The following CA10 variants were observed in gnomAD, a reference collection of about 807,000 sequenced individuals.
CA10 encodes the protein carbonic anhydrase 10 (inactive), also known as carbonic anhydrase-related protein 10.
Under a neutral mutation model 44.2 loss-of-function variants are expected in CA10, and 14 were observed. The ratio of observed to expected loss-of-function variants is 0.32; its 90% CI spans 0.21 to 0.50. The LOEUF is 0.50. CA10 is among the 20% of genes least tolerant of loss of function. CA10 has a pLI of 0.99. For missense variants in CA10, 350 were observed against 409.7 expected, an observed-to-expected ratio of 0.85 and a Z score of 1.26; for synonymous variants, 159 against 141.6, an observed-to-expected ratio of 1.12 and a Z score of -0.87.
At position 51,831,958 on chromosome 17, in the gene CA10, C is replaced by T. The variant is rs1908297462; in HGVS notation, c.280-84140G>A. 2.0e-5 allele frequency among the ~76,000 whole-genome samples: 3 copies of T among 152,302 alleles called. No individual in the cohort carries two copies. The South Asian group carries it at 6.2e-4, about 32-fold the overall frequency. On this transcript the variant is annotated intron_variant, in intron 3 of 8. Transcript: ENST00000451037. ...ATGCCTACCAAAATCCCACTCCAAG[C>T]TTGCTCCCTCGTTGACAAGATCTGG...
intron 2 of CA10, among the ~76,000 whole-genome samples, chr17:52,019,170 T>G (rs1986060717): frequency 6.6e-6 from 1 of 152,080 alleles, no homozygotes; most frequent in Non-Finnish European, 1.5e-5. Flanking sequence ...AGGTGTTCCT[T>G]TATAGCAGCA....
intron 2 of CA10, among the ~76,000 whole-genome samples, chr17:51,998,388 T>G (rs1423728987): frequency 6.6e-6 from 1 of 152,056 alleles, no homozygotes; most frequent in Non-Finnish European, 1.5e-5. Context: ...CCTCCTGCAG[T>G]TCTTCATGGA....
chr17:51,956,797 A>C (rs1983681753), intron 2 of CA10, among the ~76,000 whole-genome samples: 1 of 152,054 alleles, frequency 6.6e-6, no homozygotes, highest in Non-Finnish European at 1.5e-5. Flanking sequence ...ACCTACAAAA[A>C]AGCAGAGGCT....
chr17:51,672,016 T>C (rs996121795), intron 4 of CA10, among the ~76,000 whole-genome samples: 1 of 152,214 alleles, frequency 6.6e-6, no homozygotes, highest in African/African-American at 2.4e-5. Flanking sequence ...ACTTAGGGCA[T>C]TGAGTTAACC....
At chr17:51,759,123 C>G (rs910183265) in intron 3 of CA10, among the ~76,000 whole-genome samples, 3 of 152,156 alleles carry the variant, frequency 2.0e-5, no homozygotes, top group African/African-American at 7.2e-5. Flanking sequence ...GAGTTCTTGT[C>G]AAGCCCCTCA....
At chr17:51,873,789 G>T (rs551070271) in intron 3 of CA10, among the ~76,000 whole-genome samples, 1 of 152,262 alleles carries the variant, frequency 6.6e-6, no homozygotes, top group African/African-American at 2.4e-5. Context: ...GAGTCACTCT[G>T]AGTGTCCAGC....
At chr17:52,159,011 C>T (rs1989884993), upstream of CA10, among the ~76,000 whole-genome samples, 1 of 152,190 alleles carries the variant, frequency 6.6e-6, no homozygotes, top group Non-Finnish European at 1.5e-5. Flanking sequence ...CTGGCAGCCG[C>T]CTCCGCACTC....
chr17:52,048,049 A>AT (rs1048704635), intron 2 of CA10, among the ~76,000 whole-genome samples: 10 of 151,800 alleles, frequency 6.6e-5, no homozygotes, highest in South Asian at 6.3e-4. Flanking sequence ...AAAATTAAAA[A>AT]AAAAAAAAAC....
At chr17:52,115,183 G>GT (rs1245948948) in intron 1 of CA10, among the ~76,000 whole-genome samples, 2 of 152,314 alleles carry the variant, frequency 1.3e-5, no homozygotes, top group East Asian at 1.9e-4. Context: ...AATCTGCGAG[G>GT]TGGGAGCCTA....
chr17:52,065,606 G>A lies in CA10; in HGVS notation c.136+6713C>T, dbSNP rs147472977. Among the ~76,000 whole-genome samples, 14 of 152,234 alleles carry A rather than the reference G, an allele frequency of 9.2e-5. No individual in the cohort carries two copies. The East Asian group carries it at 2.7e-3, about 29-fold the overall frequency. On this transcript the variant is annotated intron_variant, in intron 2 of 8. Transcript: ENST00000451037. ...GCCCTCTTCTCTGACTTTGAATTCTGTAAGAGTTTCAATCTCTCCTTTGAT... is the reference window on the plus strand; with the variant it reads ...GCCCTCTTCTCTGACTTTGAATTCTATAAGAGTTTCAATCTCTCCTTTGAT...
At chr17:52,028,969 T>A (rs1212127550) in intron 2 of CA10, among the ~76,000 whole-genome samples, 3 of 152,224 alleles carry the variant, frequency 2.0e-5, no homozygotes, top group Admixed American at 2.0e-4. Context: ...GGCATTACAT[T>A]CCCTTTCCAA....
intron 3 of CA10, among the ~76,000 whole-genome samples, chr17:51,868,742 A>G (rs1270297562): frequency 6.6e-6 from 1 of 152,076 alleles, no homozygotes. Context: ...AATAACACTT[A>G]TGAGCAGCTC....
At chr17:51,741,889 C>T (rs1372681673) in intron 4 of CA10, among the ~76,000 whole-genome samples, 1 of 152,204 alleles carries the variant, frequency 6.6e-6, no homozygotes, top group East Asian at 1.9e-4. Context: ...ACAAAACCCA[C>T]AGTGATGGGC....
At chr17:51,965,171 T>G (rs1483444478) in intron 2 of CA10, among the ~76,000 whole-genome samples, 1 of 151,762 alleles carries the variant, frequency 6.6e-6, no homozygotes, top group Non-Finnish European at 1.5e-5. Context: ...TTCCTGGAAA[T>G]GAACAACCTC....
chr17:52,103,386 C>T (rs1301493968), intron 1 of CA10, among the ~76,000 whole-genome samples: 1 of 152,166 alleles, frequency 6.6e-6, no homozygotes, highest in East Asian at 1.9e-4. Flanking sequence ...ACTTCTAAGG[C>T]CAGAGAGGCA....
intron 3 of CA10, among the ~76,000 whole-genome samples, chr17:51,854,242 AG>A (rs1978935326): frequency 6.6e-6 from 1 of 152,126 alleles, no homozygotes; most frequent in Admixed American, 6.5e-5. Flanking sequence ...CCAAGTCAAT[AG>A]GTTCACAGGG....
chr17:51,881,625 G>A (rs1191890419), intron 3 of CA10, among the ~76,000 whole-genome samples: 2 of 152,136 alleles, frequency 1.3e-5, no homozygotes, highest in African/African-American at 4.8e-5. Context: ...ATATGTATAG[G>A]CAATTTACAA....
intron 6 of CA10, among the ~76,000 whole-genome samples, chr17:51,645,160 C>A (rs1194983189): frequency 6.6e-6 from 1 of 152,126 alleles, no homozygotes; most frequent in Non-Finnish European, 1.5e-5. Context: ...TCCCCATCAG[C>A]CCGGTCATGG....
intron 3 of CA10, among the ~76,000 whole-genome samples, chr17:51,886,285 A>G (rs1381390391): frequency 2.6e-5 from 4 of 152,232 alleles, no homozygotes; most frequent in Non-Finnish European, 5.9e-5. Context: ...TTCCAACTAT[A>G]AAAACTTCCT....
Sources: allele counts gnomAD v4.1 joint callset (sites outside exome capture counted in the v4.1 genomes callset), GRCh38; gene constraint gnomAD v4.1.1; transcripts MANE v1.5; gene names NCBI Gene and HGNC (gene_info 2026-07-23, HGNC 2026-07-21).